GPAT4: variants seen among roughly 807,000 people sequenced by gnomAD.
GPAT4 encodes 1-AGP acyltransferase 6.
GPAT4 carries 17 observed loss-of-function variants against 58.0 expected under a neutral mutation model. That is an observed-to-expected ratio of 0.29 (90% confidence interval 0.20 to 0.44). GPAT4 has a LOEUF of 0.44. GPAT4 is among the 20% of genes least tolerant of loss of function. The pLI is 1.00. For synonymous variants in GPAT4, 204 were observed against 210.1 expected, an observed-to-expected ratio of 0.97 and a Z score of 0.25; for missense variants, 377 against 574.5, an observed-to-expected ratio of 0.66 and a Z score of 3.51.
At chr8:41,579,778 C>G (rs1364025313) in intron 1 of GPAT4, among the ~76,000 whole-genome samples, 1 of 151,646 alleles carries the variant, frequency 6.6e-6, no homozygotes, top group Non-Finnish European at 1.5e-5. Context: ...GCAGAGGTTG[C>G]AGTGAGCCAA....
intron 2 of GPAT4, among the ~76,000 whole-genome samples, chr8:41,606,901 T>C (rs1469166375): frequency 6.6e-6 from 1 of 152,216 alleles, no homozygotes; most frequent in African/African-American, 2.4e-5. Flanking sequence ...AGGGAGTTGC[T>C]TCAGAGAAAG....
chr8:41,608,849 CT>C (rs1803357460), intron 2 of GPAT4, among the ~76,000 whole-genome samples: 6 of 151,504 alleles, frequency 4.0e-5, no homozygotes, highest in Admixed American at 1.3e-4. Context: ...TAATAGTGTT[CT>C]TTTTTTCCTT....
intron 5 of GPAT4, 29 bp downstream of exon 5, chr8:41,610,839 A>T (rs753066005): frequency 6.4e-7 from 1 of 1,574,034 alleles, no homozygotes; most frequent in South Asian, 1.2e-5. Flanking sequence ...TCCATGCCTG[A>T]AGGACAGTTA....
chr8:41,589,409 G>T (rs1228987369), intron 1 of GPAT4, among the ~76,000 whole-genome samples: 2 of 151,880 alleles, frequency 1.3e-5, no homozygotes, highest in Non-Finnish European at 2.9e-5. Context: ...CCAGCAGGGG[G>T]CCTCTGAGCG....
intron 8 of GPAT4, among the ~76,000 whole-genome samples, chr8:41,613,720 G>A (rs1803512356): frequency 1.3e-5 from 2 of 152,106 alleles, no homozygotes; most frequent in South Asian, 2.1e-4. Flanking sequence ...TTCGAGACCA[G>A]CCTGGGCAAC....
In GPAT4 at chr8:41,590,109, C is replaced by A. The variant is rs1037322688; in HGVS notation, c.-848-8183C>A. On this transcript the variant is annotated intron_variant, in intron 1 of 12. Coordinates refer to ENST00000396987, the MANE Select transcript of GPAT4 (RefSeq NM_178819.4). ...TTCTCTAATCACAAGTTCTGTAGAG[C>A]AGGCTGGCTTGCTACTTCTTTTTTT... Among the ~76,000 whole-genome samples the A allele has an allele frequency of 4.6e-5, 7 of 152,148 alleles. No individual in the cohort carries two copies. The East Asian group carries it at 1.3e-3, about 29-fold the overall frequency.
intron 1 of GPAT4, among the ~76,000 whole-genome samples, chr8:41,588,769 C>T (rs1437228286): frequency 6.6e-6 from 1 of 152,196 alleles, no homozygotes. Context: ...CCTAAAGGCC[C>T]AGATTTGCCA....
chr8:41,619,921 C>G (rs10216592), intron 12 of GPAT4, among the ~76,000 whole-genome samples: 2,903 of 152,296 alleles, frequency 0.019, 73 homozygotes, highest in African/African-American at 0.063. Context: ...GTCTCTTTCG[C>G]CCTCACAGTA....
At chr8:41,597,232 A>G (rs988743918) in intron 1 of GPAT4, among the ~76,000 whole-genome samples, 2 of 152,292 alleles carry the variant, frequency 1.3e-5, no homozygotes, top group East Asian at 1.9e-4. Context: ...CCCTTAAAAC[A>G]TTGCGCAGAT....
chr8:41,582,869 C>T (rs1802560214), intron 1 of GPAT4, among the ~76,000 whole-genome samples: 1 of 152,124 alleles, frequency 6.6e-6, no homozygotes, highest in Non-Finnish European at 1.5e-5. Context: ...GCACCTGAAA[C>T]ATACATCATT....
chr8:41,580,726 T>C (rs11989192), intron 1 of GPAT4, among the ~76,000 whole-genome samples: 52 of 152,342 alleles, frequency 3.4e-4, no homozygotes, highest in African/African-American at 1.1e-3. Flanking sequence ...ATAGTTGTTA[T>C]GCATGTCCAG....
At chr8:41,583,119 G>A (rs1376893339) in intron 1 of GPAT4, among the ~76,000 whole-genome samples, 1 of 152,056 alleles carries the variant, frequency 6.6e-6, no homozygotes, top group African/African-American at 2.4e-5. Flanking sequence ...CCAGGTATGA[G>A]GGAGGCTGAG....
intron 2 of GPAT4, among the ~76,000 whole-genome samples, chr8:41,600,008 C>G (rs1245889354): frequency 2.0e-5 from 3 of 146,456 alleles, no homozygotes; most frequent in Admixed American, 6.9e-5. Flanking sequence ...AATAATACAG[C>G]ATTGTTCATA....
At chr8:41,601,792 A>G (rs557250258) in intron 2 of GPAT4, among the ~76,000 whole-genome samples, 42 of 152,364 alleles carry the variant, frequency 2.8e-4, no homozygotes, top group African/African-American at 9.1e-4. Context: ...TATTGTGACT[A>G]TTATTTAAAA....
chr8:41,608,762 G>T (rs751807987), intron 2 of GPAT4, among the ~76,000 whole-genome samples: 1 of 152,120 alleles, frequency 6.6e-6, no homozygotes. Flanking sequence ...TCAGAGACTT[G>T]GAATGGGTTG....
At chr8:41,618,513 A>T in intron 10 of GPAT4, 171 bp from the exon 11 acceptor site, 1 of 806,702 alleles carries the variant, frequency 1.2e-6, no homozygotes, top group Non-Finnish European at 2.0e-6. Context: ...AGTGTTGCTC[A>T]CAGTCAGAAC....
intron 8 of GPAT4, 58 bp from the exon 9 acceptor site, chr8:41,614,326 CAT>C (rs1803532525): frequency 7.1e-7 from 1 of 1,407,154 alleles, no homozygotes; most frequent in African/African-American, 1.4e-5. Context: ...TATTTATAAA[CAT>C]ATTTTGACGA....
At chr8:41,590,435 G>A (rs1260479629) in intron 1 of GPAT4, among the ~76,000 whole-genome samples, 1 of 152,184 alleles carries the variant, frequency 6.6e-6, no homozygotes, top group Non-Finnish European at 1.5e-5. Flanking sequence ...AGAAGTAGGG[G>A]TTACAGAGCA....
intron 1 of GPAT4, among the ~76,000 whole-genome samples, chr8:41,596,015 G>A (rs762344160): frequency 1.3e-4 from 20 of 152,220 alleles, no homozygotes; most frequent in Non-Finnish European, 2.4e-4. Flanking sequence ...ACCTTGTGCC[G>A]TACCTTTGAA....
Sources: allele counts gnomAD v4.1 joint callset (sites outside exome capture counted in the v4.1 genomes callset), GRCh38; gene constraint gnomAD v4.1.1; transcripts MANE v1.5; gene names NCBI Gene and HGNC (gene_info 2026-07-23, HGNC 2026-07-21).